Variants in SPPL3 observed in about 807,000 individuals in gnomAD.
The protein encoded by SPPL3 is signal peptide peptidase like 3, also known as signal peptide peptidase-like 3.
A neutral mutation model predicts 42.4 loss-of-function variants in SPPL3; 5 were observed. That is an observed-to-expected ratio of 0.12 (90% confidence interval 0.06 to 0.25). The LOEUF (loss-of-function observed/expected upper bound fraction) is 0.25, where lower values mean the gene tolerates loss of function less well. Among genes scored for constraint, SPPL3 ranks in the 10% least tolerant of loss-of-function variants. The pLI, the probability that SPPL3 is intolerant of heterozygous loss-of-function variation, is 1.00. For synonymous variants in SPPL3, 195 were observed against 181.8 expected (o/e 1.07, Z -0.58); for missense variants, 235 against 489.0 (o/e 0.48, Z 4.90).
At chr12:120,898,096 G>C (rs758069796) in intron 1 of SPPL3, among the ~76,000 whole-genome samples, 3 of 152,066 alleles carry the variant, frequency 2.0e-5, no homozygotes, top group South Asian at 4.2e-4. Context: ...TGGATTGCTT[G>C]AAGTCAGGAG....
At chr12:120,871,517 CTGAGA>C (rs1872931043) in intron 1 of SPPL3, among the ~76,000 whole-genome samples, 1 of 152,030 alleles carries the variant, frequency 6.6e-6, no homozygotes, top group Non-Finnish European at 1.5e-5. Flanking sequence ...TTTTGGGAGG[CTGAGA>C]TGAGTGGATC....
At chr12:120,817,866 A>C (rs1870932816) in intron 1 of SPPL3, among the ~76,000 whole-genome samples, 1 of 152,196 alleles carries the variant, frequency 6.6e-6, no homozygotes, top group South Asian at 2.1e-4. Flanking sequence ...CCACACAAAG[A>C]AAGCAAGCGT....
chr12:120,838,935 T>G lies in SPPL3; in HGVS notation c.24-28049A>C, dbSNP rs181766973. On this transcript the variant is annotated intron_variant, in intron 1 of 10. Coordinates refer to ENST00000353487, the MANE Select transcript of SPPL3 (RefSeq NM_139015.5). Reference sequence around the variant, plus strand: ...GGACTGTAAACTAGTTCAACCATTGTGGAAGTCAGTGTGGCGATTCCTCAG... The same window carrying G: ...GGACTGTAAACTAGTTCAACCATTGGGGAAGTCAGTGTGGCGATTCCTCAG... Among the ~76,000 whole-genome samples the G allele has an allele frequency of 3.4e-3, 517 of 152,284 alleles. 3 individuals are homozygous for G. Among genetic ancestry groups the G allele is most frequent in the African/African-American group, 0.012 (496 of 41,566 alleles).
intron 3 of SPPL3, among the ~76,000 whole-genome samples, chr12:120,788,566 C>A (rs1869799039): frequency 6.6e-6 from 1 of 152,154 alleles, no homozygotes; most frequent in Admixed American, 6.5e-5. Flanking sequence ...ACAGTCAAAT[C>A]ATTTCTGACA....
rs1351538468 is a variant in SPPL3 at position 120,763,319 on chromosome 12, T to C, written c.*1680A>G. ...CAACAGAGGAATCCAACACCCTGAC[T>C]GCTTCAGACTCTGTTGACAACAGGA... On this transcript the variant is annotated 3_prime_UTR_variant, in exon 11 of 11. Transcript: ENST00000353487. The C allele has an allele frequency of 1.3e-5, 2 of 152,684 alleles. No homozygotes were observed. The highest frequency in any genetic ancestry group is 6.5e-5 in the Admixed American group (1 of 15,280). The allele number at this position is 152,684 out of a possible 1,614,324, so 9.5% of individuals were successfully genotyped here.
chr12:120,894,469 C>A (rs1285718064), intron 1 of SPPL3, among the ~76,000 whole-genome samples: 1 of 152,214 alleles, frequency 6.6e-6, no homozygotes, highest in African/African-American at 2.4e-5. Context: ...AAAACTTAAA[C>A]AACAAAACAA....
chr12:120,900,512 G>C (rs944368113), intron 1 of SPPL3, among the ~76,000 whole-genome samples: 1 of 151,634 alleles, frequency 6.6e-6, no homozygotes, highest in African/African-American at 2.4e-5. Flanking sequence ...GGCTGAGGTG[G>C]GAGGATCGCT....
intron 1 of SPPL3, among the ~76,000 whole-genome samples, chr12:120,883,826 G>A (rs1593010608): frequency 6.6e-6 from 1 of 152,318 alleles, no homozygotes; most frequent in East Asian, 1.9e-4. Context: ...CGTAAGCCGG[G>A]CGTGGTGGCT....
chr12:120,867,601 G>A (rs535862440), intron 1 of SPPL3, among the ~76,000 whole-genome samples: 22 of 151,840 alleles, frequency 1.4e-4, no homozygotes, highest in African/African-American at 5.3e-4. Flanking sequence ...GGAGGCGGAG[G>A]TTGCAGGGAG....
At chr12:120,880,081 C>T (rs1455944659) in intron 1 of SPPL3, among the ~76,000 whole-genome samples, 1 of 150,446 alleles carries the variant, frequency 6.6e-6, no homozygotes, top group Non-Finnish European at 1.5e-5. Context: ...AAAAGCTTTC[C>T]TACATATTGA....
At chr12:120,809,651 A>G (rs1018199330) in intron 2 of SPPL3, among the ~76,000 whole-genome samples, 1 of 152,178 alleles carries the variant, frequency 6.6e-6, no homozygotes, top group South Asian at 2.1e-4. Flanking sequence ...AGGATAGTGG[A>G]AAAAGGGAGT....
chr12:120,791,616 A>T (rs1407531312), intron 2 of SPPL3, 59 bp from the exon 3 acceptor site: 33 of 1,130,038 alleles, frequency 2.9e-5, no homozygotes, highest in Non-Finnish European at 4.2e-5. Flanking sequence ...AGGTCAGAAA[A>T]GTCATATGAC....
At chr12:120,843,176 T>C (rs1049940921) in intron 1 of SPPL3, among the ~76,000 whole-genome samples, 1 of 152,168 alleles carries the variant, frequency 6.6e-6, no homozygotes. Flanking sequence ...GGTATACATA[T>C]ACAAGTTATA....
rs148802591 is a variant in SPPL3, at chr12:120,767,449, G to A, written c.918C>T (p.Ser306=). The change falls in exon 9 of 11, where the codon TCC becomes TCT. Residue 306 remains serine (S), a synonymous_variant. Transcript: ENST00000353487. ...SCGAPGPANI[S]GRMQKVSYFH... ...AGTAGGAGACCTTCTGCATGCGCCC[G>A]GAGATGTTGGCAGGTCCAGGGGCCC... The A allele has an allele frequency of 2.5e-4, 406 of 1,614,078 alleles. 2 individuals carry two copies. In the African/African-American group the frequency reaches 4.5e-3, roughly 18 times the overall value.
At chr12:120,861,275 T>C (rs1872610498) in intron 1 of SPPL3, among the ~76,000 whole-genome samples, 1 of 152,170 alleles carries the variant, frequency 6.6e-6, no homozygotes, top group African/African-American at 2.4e-5. Flanking sequence ...CAATAAAGCT[T>C]TATTTACAAA....
chr12:120,850,501 A>T (rs916650950), intron 1 of SPPL3, among the ~76,000 whole-genome samples: 1 of 151,148 alleles, frequency 6.6e-6, no homozygotes, highest in Admixed American at 6.6e-5. Flanking sequence ...TTAAAAAAAA[A>T]AAAAAAAAAA....
In SPPL3 at chr12:120,764,941, A is replaced by G. The variant is rs1868825626; in HGVS notation, c.*58T>C. On this transcript the variant is annotated 3_prime_UTR_variant, in exon 11 of 11. Coordinates refer to ENST00000353487, the MANE Select transcript of SPPL3 (RefSeq NM_139015.5). ...CCAGGCCAGCTCTAAGAGGAAACAA[A>G]CCATGAGTTGAGAGAAAAGGACTAT... is the stretch of plus-strand genomic sequence containing the variant. 1 of 1,579,664 alleles carries G rather than the reference A, an allele frequency of 6.3e-7. No homozygotes were observed. Among genetic ancestry groups the G allele is most frequent in the East Asian group, 2.3e-5 (1 of 44,338 alleles).
chr12:120,787,087 A>G (rs1300890587), intron 3 of SPPL3, among the ~76,000 whole-genome samples: 1 of 152,218 alleles, frequency 6.6e-6, no homozygotes, highest in Non-Finnish European at 1.5e-5. Context: ...AACTATTAAG[A>G]AAATTACTGA....
chr12:120,836,417 T>C (rs1045638327), intron 1 of SPPL3, among the ~76,000 whole-genome samples: 4 of 151,178 alleles, frequency 2.6e-5, no homozygotes, highest in East Asian at 1.9e-4. Flanking sequence ...ATGAGAAAGG[T>C]TGTGGGGAGG....
Sources: allele counts gnomAD v4.1 joint callset (sites outside exome capture counted in the v4.1 genomes callset), GRCh38; gene constraint gnomAD v4.1.1; transcripts MANE v1.5; gene names NCBI Gene and HGNC (gene_info 2026-07-23, HGNC 2026-07-21).